Variants in DIAPH2 observed in about 807,000 individuals in gnomAD.
The protein encoded by DIAPH2 is protein diaphanous homolog 2.
In DIAPH2, 35 loss-of-function variants were observed where a neutral mutation model predicts 92.7. That is an observed-to-expected ratio of 0.38 (90% CI 0.29 to 0.50). The LOEUF (loss-of-function observed/expected upper bound fraction) is 0.50, where lower values mean the gene tolerates loss of function less well. Among genes scored for constraint, DIAPH2 ranks in the 20% least tolerant of loss-of-function variants. The pLI is 0.94. For missense variants in DIAPH2, 701 were observed against 819.5 expected (o/e 0.86, Z 1.77); for synonymous variants, 301 against 280.4 (o/e 1.07, Z -0.73).
chrX:96,734,241 A>G (rs921305018), intron 1 of DIAPH2, among the ~76,000 whole-genome samples: 6 of 112,426 alleles, frequency 5.3e-5, no homozygotes, highest in African/African-American at 1.9e-4. Flanking sequence ...TTGGAGATAT[A>G]GATGGGTTTC....
intron 3 of DIAPH2, among the ~76,000 whole-genome samples, chrX:96,752,948 G>A (rs1032270634): frequency 2.0e-4 from 22 of 111,496 alleles, no homozygotes; most frequent in African/African-American, 6.9e-4. Flanking sequence ...ATCTTACATT[G>A]CTCTTATTGT....
intron 12 of DIAPH2, among the ~76,000 whole-genome samples, chrX:96,941,594 G>T (rs752608015): frequency 2.7e-5 from 3 of 111,461 alleles, no homozygotes; most frequent in East Asian, 5.6e-4. Flanking sequence ...TCAAGACATT[G>T]CTTGCCACGT....
chrX:97,029,240 C>G (rs2066356575), intron 17 of DIAPH2, among the ~76,000 whole-genome samples: 1 of 107,970 alleles, frequency 9.3e-6, no homozygotes, highest in Non-Finnish European at 1.9e-5. Context: ...CTCCACCTCC[C>G]AGGCTCAAGT....
chrX:97,524,448 C>T (rs1296619515), intron 26 of DIAPH2, among the ~76,000 whole-genome samples: 1 of 112,125 alleles, frequency 8.9e-6, no homozygotes, highest in Non-Finnish European at 1.9e-5. Context: ...TGTCCATGTG[C>T]CTTTATATTT....
At chrX:96,971,360 G>A (rs1339697168) in intron 17 of DIAPH2, among the ~76,000 whole-genome samples, 1 of 111,608 alleles carries the variant, frequency 9.0e-6, no homozygotes, top group Admixed American at 9.5e-5. Flanking sequence ...AATTAAACAA[G>A]GTTATATATT....
At chrX:96,825,878 ATCT>A (rs747137930) in intron 4 of DIAPH2, among the ~76,000 whole-genome samples, 2 of 110,938 alleles carry the variant, frequency 1.8e-5, no homozygotes, top group Non-Finnish European at 3.8e-5. Flanking sequence ...CTTCACCTTC[ATCT>A]TCTCTACATC....
chrX:97,115,014 T>C, intron 21 of DIAPH2, 49 bp downstream of exon 21: 1 of 1,078,699 alleles, frequency 9.3e-7, no homozygotes, highest in East Asian at 3.0e-5. Context: ...TCTTCTTGTC[T>C]ATGAAAGGTG....
intron 23 of DIAPH2, among the ~76,000 whole-genome samples, chrX:97,340,455 G>C (rs1040224589): frequency 9.0e-6 from 1 of 110,739 alleles, no homozygotes; most frequent in African/African-American, 3.3e-5. Flanking sequence ...AATCTCTACT[G>C]ATGAAACAAG....
At chrX:97,139,007 A>G (rs1250251576) in intron 21 of DIAPH2, among the ~76,000 whole-genome samples, 2 of 111,658 alleles carry the variant, frequency 1.8e-5, no homozygotes, top group Non-Finnish European at 3.8e-5. Flanking sequence ...AATCAATTCT[A>G]TTTCTTAATA....
chrX:96,715,915 T>C (rs2147541750), intron 1 of DIAPH2, among the ~76,000 whole-genome samples: 1 of 109,969 alleles, frequency 9.1e-6, no homozygotes, highest in South Asian at 3.9e-4. Flanking sequence ...TTTTTTTTTT[T>C]TCTTCTTGTC....
At chrX:97,376,242 A>G (rs1344104035) in intron 24 of DIAPH2, among the ~76,000 whole-genome samples, 1 of 111,753 alleles carries the variant, frequency 8.9e-6, no homozygotes, top group African/African-American at 3.2e-5. Flanking sequence ...AAATTATTCT[A>G]TGACCTTTAT....
intron 19 of DIAPH2, among the ~76,000 whole-genome samples, chrX:97,092,129 G>C (rs935336617): frequency 4.5e-5 from 5 of 112,256 alleles, no homozygotes; most frequent in Non-Finnish European, 9.4e-5. Context: ...TTCAGTGTCT[G>C]GTTATGTGTC....
In DIAPH2 at chrX:97,159,341, A is replaced by G. The variant is rs994455304; in HGVS notation, c.2719+17547A>G. On this transcript the variant is annotated intron_variant, in intron 22 of 26. Coordinates refer to ENST00000324765, the MANE Select transcript of DIAPH2 (RefSeq NM_006729.5). ...TTATGTTATGAAATATTTTAATTGA[A>G]TAATATATTATGGTTCTCTGATTAT... is the stretch of plus-strand genomic sequence containing the variant. 3.6e-5 allele frequency among the ~76,000 whole-genome samples: 4 copies of G among 112,323 alleles called. No homozygotes were observed. The South Asian group carries it at 1.5e-3, about 41-fold the overall frequency.
At chrX:96,934,789 T>G (rs1296165397) in intron 10 of DIAPH2, among the ~76,000 whole-genome samples, 3 of 111,903 alleles carry the variant, frequency 2.7e-5, no homozygotes, top group Non-Finnish European at 5.7e-5. Flanking sequence ...TTTACATTGA[T>G]TTCTTCTGAA....
chrX:96,927,503 A>C (rs951645898), intron 9 of DIAPH2, among the ~76,000 whole-genome samples: 11 of 110,988 alleles, frequency 9.9e-5, no homozygotes, highest in African/African-American at 3.6e-4. Context: ...GTGCTATTCA[A>C]TCAAACTTTC....
At chrX:97,441,663 A>G (rs1162177902) in intron 26 of DIAPH2, among the ~76,000 whole-genome samples, 1 of 110,196 alleles carries the variant, frequency 9.1e-6, no homozygotes, top group Non-Finnish European at 1.9e-5. Flanking sequence ...TAAAAATACA[A>G]AAATTAGCCG....
intron 17 of DIAPH2, among the ~76,000 whole-genome samples, chrX:97,062,142 G>GTAC (rs1411358926): frequency 2.0e-4 from 22 of 111,463 alleles, no homozygotes; most frequent in African/African-American, 6.8e-4. Flanking sequence ...AATTAACGGA[G>GTAC]TGTACCTTGA....
At chrX:97,115,879 T>A (rs2147380130) in intron 21 of DIAPH2, among the ~76,000 whole-genome samples, 1 of 111,843 alleles carries the variant, frequency 8.9e-6, no homozygotes, top group East Asian at 2.8e-4. Flanking sequence ...ATTTTTAGGC[T>A]AGAGCAAACC....
At chrX:97,380,159 A>G (rs2069539159) in intron 24 of DIAPH2, among the ~76,000 whole-genome samples, 2 of 111,033 alleles carry the variant, frequency 1.8e-5, no homozygotes, top group Non-Finnish European at 3.8e-5. Flanking sequence ...ATTTTTCATT[A>G]TATTTTACTC....
Sources: gnomAD v4.1 joint callset for allele counts (sites outside exome capture counted in the v4.1 genomes callset) on GRCh38, gnomAD v4.1.1 for gene constraint, MANE v1.5 for transcripts, NCBI Gene and HGNC (gene_info 2026-07-23, HGNC 2026-07-21) for gene names.